Variants in SZT2 observed in about 807,000 individuals in gnomAD.
SZT2 encodes SZT2 subunit of KICSTOR complex, also known as KICSTOR complex protein SZT2.
A neutral mutation model predicts 404.2 loss-of-function variants in SZT2; 216 were observed. That is an observed-to-expected ratio of 0.53 (90% CI 0.48 to 0.60). The LOEUF is 0.60. SZT2 is among the 20% of genes least tolerant of loss of function. The pLI is 0.00. For missense variants in SZT2, 3,857 were observed against 4,459.2 expected (o/e 0.86, Z 3.85); for synonymous variants, 1,693 against 1,749.9 (o/e 0.97, Z 0.81).
intron 35 of SZT2, 63 bp from the exon 36 acceptor site, chr1:43,431,653 G>T: frequency 1.2e-6 from 2 of 1,604,294 alleles, no homozygotes; most frequent in Non-Finnish European, 1.7e-6. Context: ...TTCTAGTCCG[G>T]GAGTAAGGGG....
rs1652916079 is a variant in SZT2, at chr1:43,424,581, C to G, written c.2471+149C>G. 1 of 912,562 alleles carries G rather than the reference C, an allele frequency of 1.1e-6. No homozygotes were observed. The highest frequency in any genetic ancestry group is 1.6e-6 in the Non-Finnish European group (1 of 606,198). 56.5% of individuals were successfully genotyped at this position (912,562 alleles called of 1,614,324 possible). A position where few individuals can be genotyped will look rare whatever the true frequency, so the allele number is the denominator to read the frequency against. The stretch of plus-strand genomic sequence containing the variant: ...GCATCTGCTACTGCCCTCCCTGTCT[C>G]CTCCCATCACCCGATTTGTTTTGTC... On this transcript the variant is annotated intron_variant, in intron 16 of 71. Transcript: ENST00000634258. This position sits in a 1 kb window ranked among gnomAD's most constrained non-coding sequence, Gnocchi z 4.1.
At chr1:43,411,228 A>G (rs1316024210) in intron 4 of SZT2, among the ~76,000 whole-genome samples, 2 of 152,206 alleles carry the variant, frequency 1.3e-5, no homozygotes, top group Non-Finnish European at 2.9e-5. Context: ...TTCTGTCTTC[A>G]TGGAGGGCAC....
chr1:43,414,938 T>G, intron 4 of SZT2, 144 bp from the exon 5 acceptor site: 1 of 978,824 alleles, frequency 1.0e-6, no homozygotes, highest in Non-Finnish European at 1.4e-6. Flanking sequence ...AGGGGGAAAT[T>G]GGCTGTGGAG....
At chr1:43,431,114 G>T (rs1653816169) in intron 33 of SZT2, 24 bp downstream of exon 33, 1 of 1,610,026 alleles carries the variant, frequency 6.2e-7, no homozygotes, top group Non-Finnish European at 8.5e-7. Context: ...TTTGGTGGGG[G>T]GTTTGGGACC....
In SZT2 at chr1:43,453,464, G is replaced by A; in HGVS notation, c.*2984G>A. 6.4e-7 allele frequency: 1 copy of A among 1,561,564 alleles called. No individual in the cohort carries two copies. Among genetic ancestry groups the A allele is most frequent in the South Asian group, 1.2e-5 (1 of 84,708 alleles). ...GAAGGCCGCCTGTCTCCCGGGGACG[G>A]CCCCCAGCCCCATTTCCCCCTTCTC... On this transcript the variant is annotated 3_prime_UTR_variant, in exon 72 of 72. Coordinates refer to ENST00000634258, the MANE Select transcript of SZT2 (RefSeq NM_001365999.1).
In SZT2 at chr1:43,426,618, G is replaced by C. The variant is rs1252560445; in HGVS notation, c.3214+80G>C. ...CCCTCACAGGGTGATTTCTGTCTTT[G>C]AGTTTTGGCTTTCCCCTTCCTCCCC... On this transcript the variant is annotated intron_variant, in intron 22 of 71. Transcript: ENST00000634258. The surrounding 1 kb of genome is among the most constrained non-coding windows in gnomAD (Gnocchi z 4.9). 7 of 1,515,190 alleles carry C rather than the reference G, an allele frequency of 4.6e-6. No homozygotes were observed. Among genetic ancestry groups the C allele is most frequent in the Non-Finnish European group, 6.2e-6 (7 of 1,125,244 alleles). The allele number at this position is 1,515,190 out of a possible 1,614,324, so 93.9% of individuals were successfully genotyped here. A position where few individuals can be genotyped will look rare whatever the true frequency, so the allele number is the denominator to read the frequency against.
Position 43,450,632 on chromosome 1 carries a change from C to T in SZT2, c.*152C>T. On this transcript the variant is annotated 3_prime_UTR_variant, in exon 72 of 72. Coordinates refer to ENST00000634258, the MANE Select transcript of SZT2 (RefSeq NM_001365999.1). This position sits in a 1 kb window ranked among gnomAD's most constrained non-coding sequence, Gnocchi z 4.3. ...GGCTTTGTAACTATGTCTTGAGGGT[C>T]TGCTGCCCCAGCCTGGCAGCAGGAA... 1 of 1,206,392 alleles carries T rather than the reference C, an allele frequency of 8.3e-7. No homozygotes were observed. Among genetic ancestry groups the T allele is most frequent in the South Asian group, 1.5e-5 (1 of 68,250 alleles). 74.7% of individuals were successfully genotyped at this position (1,206,392 alleles called of 1,614,324 possible). A position where few individuals can be genotyped will look rare whatever the true frequency, so the allele number is the denominator to read the frequency against.
At position 43,437,580 on chromosome 1, in the gene SZT2, G is replaced by A. The variant is rs1195384684; in HGVS notation, c.6291-15G>A. On this transcript the variant is annotated splice_polypyrimidine_tract_variant and intron_variant, in intron 44 of 71. Coordinates refer to ENST00000634258, the MANE Select transcript of SZT2 (RefSeq NM_001365999.1). The surrounding 1 kb of genome is among the most constrained non-coding windows in gnomAD (Gnocchi z 5.3). ...TGGGAGGAGGCATGTCCAAAGACATGCTGCTCTTTCCCAGGCTCCTAGAGA... is the reference window on the plus strand; with the variant it reads ...TGGGAGGAGGCATGTCCAAAGACATACTGCTCTTTCCCAGGCTCCTAGAGA... 3.7e-6 allele frequency: 6 copies of A among 1,614,094 alleles called. No individual in the cohort carries two copies. The highest frequency in any genetic ancestry group is 1.1e-5 in the South Asian group (1 of 91,078).
chr1:43,440,031 C>G lies in SZT2; in HGVS notation c.7193C>G (p.Thr2398Arg), dbSNP rs761399327. 11 of 1,614,000 alleles carry G rather than the reference C, an allele frequency of 6.8e-6. No homozygotes were observed. The Admixed American group carries it at 1.3e-4, about 20-fold the overall frequency. ...ELQLLPASLC[T>R]EDTPTGSLRN... is the part of the protein sequence containing the mutation. Reference sequence around the variant, plus strand: ...CAGCTGCTGCCAGCTTCACTATGTACAGAGGACACACCCACAGGTATGCAA... The same window carrying G: ...CAGCTGCTGCCAGCTTCACTATGTAGAGAGGACACACCCACAGGTATGCAA... Residue 2398 changes from threonine (T) to arginine (R), a missense_variant, in exon 51 of 72, where the codon ACA becomes AGA. By Grantham distance (71) the Thr-to-Arg change is moderately conservative. Around this residue, in one of 7 missense-constraint regions of SZT2, gnomAD observed 573 missense variants for 592.4 expected, o/e 0.97. Coordinates refer to ENST00000634258, the MANE Select transcript of SZT2 (RefSeq NM_001365999.1).
chr1:43,451,333 G>C lies in SZT2; in HGVS notation c.*853G>C. ...TCTCCTGCAGGGAGAGGGAGGCCTC[G>C]GCACCTCAGCCCACAAGGAGAAAAC... is the stretch of plus-strand genomic sequence containing the variant. On this transcript the variant is annotated 3_prime_UTR_variant, in exon 72 of 72. Coordinates refer to ENST00000634258, the MANE Select transcript of SZT2 (RefSeq NM_001365999.1). 6.2e-7 allele frequency: 1 copy of C among 1,612,996 alleles called. No homozygotes were observed. The highest frequency in any genetic ancestry group is 8.5e-7 in the Non-Finnish European group (1 of 1,179,946).
chr1:43,454,224 TAAAG>T lies in SZT2; in HGVS notation c.*3747_*3750del, dbSNP rs973112760. ...AACATTTGAAAGCTGTATGACCAAATAAAGAAGCACTTTTATACCGCCAGTTATC... is the reference window on the plus strand; with the variant it reads ...AACATTTGAAAGCTGTATGACCAAATAAGCACTTTTATACCGCCAGTTATC... On this transcript the variant is annotated 3_prime_UTR_variant, in exon 72 of 72. Transcript: ENST00000634258. 1.5e-4 allele frequency: 28 copies of T among 184,844 alleles called. No homozygotes were observed. Among genetic ancestry groups the T allele is most frequent in the African/African-American group, 4.0e-4 (17 of 42,324 alleles). 11.5% of individuals were successfully genotyped at this position (184,844 alleles called of 1,614,324 possible).
At position 43,420,465 on chromosome 1, in the gene SZT2, G is replaced by C; in HGVS notation, c.1261+142G>C. The C allele has an allele frequency of 4.2e-6, 5 of 1,184,380 alleles. No homozygotes were observed. Among genetic ancestry groups the C allele is most frequent in the Non-Finnish European group, 5.7e-6 (5 of 869,930 alleles). 73.4% of individuals were successfully genotyped at this position (1,184,380 alleles called of 1,614,324 possible). The stretch of plus-strand genomic sequence containing the variant: ...CAGTGGGTTTTGAATTGTCATCAGG[G>C]CTTAATTCTCTTAGCATGGAGCTTC... On this transcript the variant is annotated intron_variant, in intron 9 of 71. Coordinates refer to ENST00000634258, the MANE Select transcript of SZT2 (RefSeq NM_001365999.1). This position sits in a 1 kb window ranked among gnomAD's most constrained non-coding sequence, Gnocchi z 5.1.
chr1:43,453,669 G>C lies in SZT2; in HGVS notation c.*3189G>C. On this transcript the variant is annotated 3_prime_UTR_variant, in exon 72 of 72. Coordinates refer to ENST00000634258, the MANE Select transcript of SZT2 (RefSeq NM_001365999.1). ...GCGCGCCAGCGCCTCAGGCGTCTCC[G>C]CGTACGGCCAGGCCACCTCGACGGC... 1 of 1,480,830 alleles carries C rather than the reference G, an allele frequency of 6.8e-7. No individual in the cohort carries two copies. The highest frequency in any genetic ancestry group is 8.9e-7 in the Non-Finnish European group (1 of 1,123,942). 91.7% of individuals were successfully genotyped at this position (1,480,830 alleles called of 1,614,324 possible).
At position 43,453,263 on chromosome 1, in the gene SZT2, G is replaced by A. The variant is rs928234287; in HGVS notation, c.*2783G>A. ...AGGCAATTTACAAAGGACCAGGACC[G>A]CAGAGGCAGAGATAAACCAGTGGGC... is the stretch of plus-strand genomic sequence containing the variant. On this transcript the variant is annotated 3_prime_UTR_variant, in exon 72 of 72. Transcript: ENST00000634258. 1.0e-5 allele frequency: 7 copies of A among 686,170 alleles called. No individual in the cohort carries two copies. The highest frequency in any genetic ancestry group is 1.7e-5 in the Non-Finnish European group (7 of 404,952). 42.5% of individuals were successfully genotyped at this position (686,170 alleles called of 1,614,324 possible).
chr1:43,454,009 G>A lies in SZT2; in HGVS notation c.*3529G>A, dbSNP rs952640623. The A allele has an allele frequency of 5.1e-6, 6 of 1,175,282 alleles. No homozygotes were observed. Among genetic ancestry groups the A allele is most frequent in the East Asian group, 3.9e-5 (1 of 25,974 alleles). 72.8% of individuals were successfully genotyped at this position (1,175,282 alleles called of 1,614,324 possible). A position where few individuals can be genotyped will look rare whatever the true frequency, so the allele number is the denominator to read the frequency against. On this transcript the variant is annotated 3_prime_UTR_variant, in exon 72 of 72. Transcript: ENST00000634258. ...GATCACGGGGAGAGGCGAAGGGGCG[G>A]AGCGAGGGCGGCCGGAAAAGGAGCA...
At position 43,424,796 on chromosome 1, in the gene SZT2, T is replaced by C. The variant is rs1182435974; in HGVS notation, c.2484T>C (p.Ser828=). The part of the protein sequence containing the change: ...LLSILTEVRL[S]EGFHFACSGE... ...TATGGGGCTTCAGAGTCCGACTTTC[T>C]GAAGGATTCCACTTCGCCTGCAGTG... Residue 828 remains serine, a synonymous_variant, in exon 17 of 72, where the codon TCT becomes TCC. Coordinates refer to ENST00000634258, the MANE Select transcript of SZT2 (RefSeq NM_001365999.1). This position sits in a 1 kb window ranked among gnomAD's most constrained non-coding sequence, Gnocchi z 4.1. 1 of 1,614,108 alleles carries C rather than the reference T, an allele frequency of 6.2e-7. No homozygotes were observed. The highest frequency in any genetic ancestry group is 8.5e-7 in the Non-Finnish European group (1 of 1,179,946).
rs1443745214 is a variant in SZT2 at position 43,426,746 on chromosome 1, G to T, written c.3246G>T (p.Gly1082=). The T allele has an allele frequency of 1.2e-6, 2 of 1,613,302 alleles. No individual in the cohort carries two copies. Among genetic ancestry groups the T allele is most frequent in the African/African-American group, 2.7e-5 (2 of 74,900 alleles). ...AGGGGCCACTGCTGGGGGTTCATGG[G>T]ATCCCGAAGGAGCAAGCAGTCGGCA... ...GAEGPLLGVH[G]IPKEQAVGST... is the part of the protein sequence containing the mutation. Residue 1082 remains glycine, a synonymous_variant, in exon 23 of 72, where the codon GGG becomes GGT. Transcript: ENST00000634258. This position sits in a 1 kb window ranked among gnomAD's most constrained non-coding sequence, Gnocchi z 4.9.
chr1:43,449,417 C>G (rs1197797016), intron 70 of SZT2: 1 of 160,508 alleles, frequency 6.2e-6, no homozygotes, highest in African/African-American at 2.4e-5. Context: ...TTTCAGGGTG[C>G]AGGAAGGGTC....
chr1:43,441,388 T>TG lies in SZT2; in HGVS notation c.7511+9dup, dbSNP rs770417663. ...TGGAGCCCAGAGACAAAAGTATGTG[T>TG]GTGGTGGTGGTGTGCCCTGGGAGGG... is the stretch of plus-strand genomic sequence containing the variant. On this transcript the variant is annotated intron_variant, in intron 53 of 71. Transcript: ENST00000634258. The surrounding 1 kb of genome is among the most constrained non-coding windows in gnomAD (Gnocchi z 4.8). The TG allele has an allele frequency of 6.2e-7, 1 of 1,613,834 alleles. No homozygotes were observed. The highest frequency in any genetic ancestry group is 8.5e-7 in the Non-Finnish European group (1 of 1,179,860).
Sources: allele counts gnomAD v4.1 joint callset (sites outside exome capture counted in the v4.1 genomes callset), GRCh38; gene constraint gnomAD v4.1.1; regional missense constraint gnomAD v4.1.1; non-coding constraint Gnocchi (gnomAD v3.1); transcripts MANE v1.5; gene names NCBI Gene and HGNC (gene_info 2026-07-23, HGNC 2026-07-21).